Variants in PCDHA2 observed in about 807,000 individuals in gnomAD.
PCDHA2 encodes protocadherin alpha-2.
A neutral mutation model predicts 66.0 loss-of-function variants in PCDHA2; 58 were observed. That is an observed-to-expected ratio of 0.88 (90% CI 0.71 to 1.09). The LOEUF (loss-of-function observed/expected upper bound fraction) is 1.09, where lower values mean the gene tolerates loss of function less well. Among genes scored for constraint, PCDHA2 ranks in the 50% least tolerant of loss-of-function variants. The probability of loss-of-function intolerance (pLI) is 0.00; values close to 1 mark genes in which losing one functional copy is unlikely to be tolerated. For missense variants in PCDHA2, 1,267 were observed against 1,242.3 expected (o/e 1.02, Z -0.30); for synonymous variants, 634 against 554.0 (o/e 1.14, Z -2.03).
intron 1 of PCDHA2, among the ~76,000 whole-genome samples, chr5:140,933,650 CCTGTCTCTCTCT>C (rs1218539002): frequency 2.6e-5 from 4 of 151,890 alleles, no homozygotes; most frequent in South Asian, 2.1e-4. Context: ...AGTTGGAAAT[CCTGTCTCTCTCT>C]CTGTCTCTCT....
chr5:140,966,900 G>T, intron 1 of PCDHA2: 1 of 1,598,802 alleles, frequency 6.3e-7, no homozygotes, highest in Non-Finnish European at 8.5e-7. Context: ...TCCCAGCTGC[G>T]ATACTCTGTG....
intron 1 of PCDHA2, among the ~76,000 whole-genome samples, chr5:140,916,248 T>C (rs2077492943): frequency 6.6e-6 from 1 of 152,180 alleles, no homozygotes; most frequent in Admixed American, 6.5e-5. Flanking sequence ...AGCCTGGACT[T>C]GGGGACCCCA....
chr5:140,858,118 C>T (rs267600398), intron 1 of PCDHA2: 1 of 1,597,724 alleles, frequency 6.3e-7, no homozygotes, highest in East Asian at 2.2e-5. Flanking sequence ...CCGAGGTGGC[C>T]CTGGTGGATG....
Position 140,930,862 on chromosome 5 carries a change from GGT to G in PCDHA2, c.2389-48086_2389-48085del, listed in dbSNP as rs1554208154. On this transcript the variant is annotated intron_variant, in intron 1 of 3. Coordinates refer to ENST00000526136, the MANE Select transcript of PCDHA2 (RefSeq NM_018905.3). Reference sequence around the variant, plus strand: ...AAATATGTGCATATATGAATTGGATGGTAACACTGTTCAACACAGAGGGAAAA... The same window carrying G: ...AAATATGTGCATATATGAATTGGATGAACACTGTTCAACACAGAGGGAAAA... 5.3e-3 allele frequency among the ~76,000 whole-genome samples: 803 copies of G among 152,226 alleles called. 3 individuals carry two copies. Among genetic ancestry groups the G allele is most frequent in the Non-Finnish European group, 8.4e-3 (568 of 67,990 alleles).
intron 1 of PCDHA2, chr5:140,828,572 G>C: frequency 1.2e-6 from 2 of 1,614,228 alleles, no homozygotes; most frequent in Non-Finnish European, 8.5e-7. Flanking sequence ...GTCCGATGCA[G>C]ATGTTGGCTC....
At chr5:140,843,182 C>G (rs2150354761) in intron 1 of PCDHA2, 2 of 1,595,932 alleles carry the variant, frequency 1.3e-6, no homozygotes, top group African/African-American at 2.7e-5. Flanking sequence ...CCCTCGCATC[C>G]CGTTCCGCGT....
At chr5:140,958,133 G>T (rs1472500802) in intron 1 of PCDHA2, among the ~76,000 whole-genome samples, 2 of 152,046 alleles carry the variant, frequency 1.3e-5, no homozygotes, top group East Asian at 3.8e-4. Flanking sequence ...ATGTATCAGT[G>T]TGTATATTTA....
chr5:140,821,875 A>G (rs2150111512), intron 1 of PCDHA2: 1 of 1,614,180 alleles, frequency 6.2e-7, no homozygotes, highest in Admixed American at 1.7e-5. Flanking sequence ...CCACTACTCG[A>G]TCCCGGAGGA....
chr5:140,941,191 T>TTTCTTTCTTTCTTTC lies in PCDHA2; in HGVS notation c.2389-37756_2389-37755insCTTTCTTTCTTTCTT, dbSNP rs1487503403. Among the ~76,000 whole-genome samples, 17 of 93,258 alleles carry TTTCTTTCTTTCTTTC rather than the reference T, an allele frequency of 1.8e-4. No individual in the cohort carries two copies. The South Asian group carries it at 2.0e-3, about 11-fold the overall frequency. The allele number at this position is 93,258 out of a possible 152,430, so 61.2% of individuals were successfully genotyped here. A position where few individuals can be genotyped will look rare whatever the true frequency, so the allele number is the denominator to read the frequency against. ...CATCTTGAACATCCTGCTTCTTTTT[T>TTTCTTTCTTTCTTTC]TTTCTTTCTTCCTTTCTTTCTTCCT... On this transcript the variant is annotated intron_variant, in intron 1 of 3. Coordinates refer to ENST00000526136, the MANE Select transcript of PCDHA2 (RefSeq NM_018905.3).
chr5:140,822,222 G>A (rs2150114654), intron 1 of PCDHA2: 1 of 1,614,212 alleles, frequency 6.2e-7, no homozygotes, highest in Non-Finnish European at 8.5e-7. Flanking sequence ...TGCCAGATTC[G>A]CGGTTTCCGC....
intron 3 of PCDHA2, among the ~76,000 whole-genome samples, chr5:141,008,133 A>G (rs782089475): frequency 6.6e-6 from 1 of 152,208 alleles, no homozygotes; most frequent in Non-Finnish European, 1.5e-5. Context: ...GGGGATGACA[A>G]ATGCTGCTGA....
chr5:140,823,897 A>G (rs2150130123), intron 1 of PCDHA2: 1 of 1,613,954 alleles, frequency 6.2e-7, no homozygotes, highest in Admixed American at 1.7e-5. Flanking sequence ...TGCGGTGTCC[A>G]GCCTGCTGGT....
At chr5:140,863,810 C>T (rs1554158466) in intron 1 of PCDHA2, 8 of 203,770 alleles carry the variant, frequency 3.9e-5, no homozygotes, top group South Asian at 2.6e-4. Context: ...ACCAGCCTGG[C>T]CAACATGGTG....
chr5:140,958,672 A>G (rs1554223601), intron 1 of PCDHA2, among the ~76,000 whole-genome samples: 1 of 152,218 alleles, frequency 6.6e-6, no homozygotes, highest in African/African-American at 2.4e-5. Context: ...AATTTTAATT[A>G]TAAAGGATAT....
intron 1 of PCDHA2, among the ~76,000 whole-genome samples, chr5:140,925,964 C>CA (rs782520997): frequency 4.3e-4 from 65 of 150,204 alleles, no homozygotes; most frequent in Middle Eastern, 3.4e-3. Flanking sequence ...TGCTATCACG[C>CA]AAAAAAAAAG....
At chr5:140,841,754 T>A in intron 1 of PCDHA2, 1 of 1,613,818 alleles carries the variant, frequency 6.2e-7, no homozygotes, top group Non-Finnish European at 8.5e-7. Context: ...TGTTTCAGAA[T>A]CCAGAATGCC....
chr5:140,794,936 T>C lies in PCDHA2; in HGVS notation c.-29T>C. ...TAAATTTTTGCAAAACATGCTCTTC[T>C]AATTTGATCAAAACATTGAGGATTG... On this transcript the variant is annotated 5_prime_UTR_variant, in exon 1 of 4. It removes the in-frame stop codon of an upstream open reading frame in the 5' UTR. Transcript: ENST00000526136. The C allele has an allele frequency of 6.3e-7, 1 of 1,583,032 alleles. No homozygotes were observed. The highest frequency in any genetic ancestry group is 8.6e-7 in the Non-Finnish European group (1 of 1,166,266).
chr5:140,966,960 T>C, intron 1 of PCDHA2: 1 of 1,603,106 alleles, frequency 6.2e-7, no homozygotes, highest in Non-Finnish European at 8.5e-7. Context: ...GCTCGCGCGC[T>C]GGGGCTTGAG....
chr5:140,807,049 A>T, intron 1 of PCDHA2: 1 of 1,034,620 alleles, frequency 9.7e-7, no homozygotes, highest in Non-Finnish European at 1.4e-6. Context: ...AATTCCTTCT[A>T]TTCTTACTGG....
Sources: allele counts gnomAD v4.1 joint callset (sites outside exome capture counted in the v4.1 genomes callset), GRCh38; gene constraint gnomAD v4.1.1; transcripts MANE v1.5; gene names NCBI Gene and HGNC (gene_info 2026-07-23, HGNC 2026-07-21).